CAMKMT: variants seen among roughly 807,000 people sequenced by gnomAD.
CAMKMT encodes the protein calmodulin-lysine N-methyltransferase.
In CAMKMT, 53 loss-of-function variants were observed where a neutral mutation model predicts 48.0. That is an observed-to-expected ratio of 1.10 (90% CI 0.89 to 1.39). The LOEUF is 1.39. Ranked by LOEUF, CAMKMT falls within the 40% of genes most tolerant of loss-of-function variation. The pLI is 0.00. For synonymous variants in CAMKMT, 165 were observed against 152.3 expected, an observed-to-expected ratio of 1.08 and a Z score of -0.61; for missense variants, 428 against 402.7, an observed-to-expected ratio of 1.06 and a Z score of -0.54.
intron 3 of CAMKMT, among the ~76,000 whole-genome samples, chr2:44,565,202 ACC>A (rs1668547002): frequency 6.6e-6 from 1 of 152,200 alleles, no homozygotes; most frequent in Non-Finnish European, 1.5e-5. Context: ...TGATGGCAAC[ACC>A]TTCAAACATT....
At chr2:44,763,973 C>T (rs933613193) in intron 9 of CAMKMT, among the ~76,000 whole-genome samples, 5 of 151,880 alleles carry the variant, frequency 3.3e-5, no homozygotes, top group Non-Finnish European at 5.9e-5. Flanking sequence ...ATTCAAAAAT[C>T]CAGAATGGCA....
chr2:44,398,435 G>A (rs181272429), intron 3 of CAMKMT, among the ~76,000 whole-genome samples: 32 of 152,280 alleles, frequency 2.1e-4, no homozygotes. Flanking sequence ...TTTCTGCAAG[G>A]TAGTTGACAA....
chr2:44,440,218 T>G (rs1016560946), intron 3 of CAMKMT, among the ~76,000 whole-genome samples: 2 of 152,256 alleles, frequency 1.3e-5, no homozygotes, highest in Admixed American at 1.3e-4. Flanking sequence ...GTGCAGCCCA[T>G]GATTTCCTTG....
At chr2:44,462,126 A>G (rs1035688620) in intron 3 of CAMKMT, among the ~76,000 whole-genome samples, 1 of 152,214 alleles carries the variant, frequency 6.6e-6, no homozygotes, top group Admixed American at 6.5e-5. Flanking sequence ...TTTCTCCTGT[A>G]CATGGTTTGT....
chr2:44,673,281 G>C (rs1235497405), intron 3 of CAMKMT, among the ~76,000 whole-genome samples: 2 of 151,902 alleles, frequency 1.3e-5, no homozygotes, highest in Non-Finnish European at 2.9e-5. Flanking sequence ...CAAAAAGTCA[G>C]CAGGGTATGG....
intron 3 of CAMKMT, among the ~76,000 whole-genome samples, chr2:44,464,263 C>T (rs1667997912): frequency 6.6e-6 from 1 of 152,132 alleles, no homozygotes; most frequent in Non-Finnish European, 1.5e-5. Context: ...AACTCAAAGA[C>T]AAGTCATTTG....
intron 3 of CAMKMT, among the ~76,000 whole-genome samples, chr2:44,439,089 A>C (rs188457147): frequency 6.6e-6 from 1 of 152,222 alleles, no homozygotes; most frequent in Non-Finnish European, 1.5e-5. Flanking sequence ...AGCTATAGTG[A>C]AAAGTAACCA....
intron 3 of CAMKMT, among the ~76,000 whole-genome samples, chr2:44,473,878 C>A (rs1668547782): frequency 6.6e-6 from 1 of 152,130 alleles, no homozygotes; most frequent in Non-Finnish European, 1.5e-5. Context: ...TTTATCTCTG[C>A]CCTTCTTTTA....
At chr2:44,502,715 G>A (rs916350223) in intron 3 of CAMKMT, among the ~76,000 whole-genome samples, 2 of 152,094 alleles carry the variant, frequency 1.3e-5, no homozygotes, top group African/African-American at 4.8e-5. Flanking sequence ...AGCCCAGCAT[G>A]CATATCCACC....
At chr2:44,717,100 C>T (rs1439797166) in intron 7 of CAMKMT, among the ~76,000 whole-genome samples, 1 of 151,982 alleles carries the variant, frequency 6.6e-6, no homozygotes, top group East Asian at 1.9e-4. Flanking sequence ...AGGACATATA[C>T]CAAATGCTTA....
chr2:44,412,076 G>A (rs1683242866), intron 3 of CAMKMT, among the ~76,000 whole-genome samples: 1 of 138,928 alleles, frequency 7.2e-6, no homozygotes, highest in African/African-American at 2.7e-5. Context: ...CTAGGATAAA[G>A]ACATTATCAG....
At chr2:44,740,349 C>T (rs693168) in intron 7 of CAMKMT, among the ~76,000 whole-genome samples, 2 of 151,742 alleles carry the variant, frequency 1.3e-5, no homozygotes, top group Non-Finnish European at 2.9e-5. Context: ...AGGCTAGTCT[C>T]GAGCTCCTAG....
At chr2:44,625,847 C>T (rs1048504169) in intron 3 of CAMKMT, among the ~76,000 whole-genome samples, 6 of 152,058 alleles carry the variant, frequency 3.9e-5, no homozygotes, top group Non-Finnish European at 8.8e-5. Context: ...ACTGGACTGT[C>T]TTTTCTATTC....
Position 44,539,096 on chromosome 2 carries a change from G to A in CAMKMT, c.376+148791G>A, listed in dbSNP as rs556217571. 1.5e-4 allele frequency among the ~76,000 whole-genome samples: 23 copies of A among 151,648 alleles called. No homozygotes were observed. The South Asian group carries it at 4.4e-3, about 29-fold the overall frequency. On this transcript the variant is annotated intron_variant, in intron 3 of 10. Coordinates refer to ENST00000378494, the MANE Select transcript of CAMKMT (RefSeq NM_024766.5). Reference sequence around the variant, plus strand: ...AGGTGGGTGGATTGCCTGAGCTCAGGAGTTCGAAACCAGCCTGGGCAACAT... The same window carrying A: ...AGGTGGGTGGATTGCCTGAGCTCAGAAGTTCGAAACCAGCCTGGGCAACAT...
At chr2:44,485,454 A>C (rs999156825) in intron 3 of CAMKMT, among the ~76,000 whole-genome samples, 10 of 152,238 alleles carry the variant, frequency 6.6e-5, no homozygotes, top group African/African-American at 2.4e-4. Flanking sequence ...AAAATAATAC[A>C]TACAGTCATG....
At chr2:44,455,942 C>T (rs1342114565) in intron 3 of CAMKMT, among the ~76,000 whole-genome samples, 1 of 151,982 alleles carries the variant, frequency 6.6e-6, no homozygotes, top group Non-Finnish European at 1.5e-5. Flanking sequence ...AATTCAATTC[C>T]ATTTGGTTAA....
At chr2:44,369,472 G>A (rs1039901081) in intron 1 of CAMKMT, among the ~76,000 whole-genome samples, 1 of 152,148 alleles carries the variant, frequency 6.6e-6, no homozygotes, top group South Asian at 2.1e-4. Flanking sequence ...AATGGGTTTA[G>A]CATAGTGAAT....
intron 3 of CAMKMT, among the ~76,000 whole-genome samples, chr2:44,685,234 TTA>T (rs1676273171): frequency 6.6e-6 from 1 of 152,188 alleles, no homozygotes; most frequent in Non-Finnish European, 1.5e-5. Context: ...AGGTTTGCTC[TTA>T]TGTTATGAAT....
chr2:44,432,261 A>C (rs924694647), intron 3 of CAMKMT, among the ~76,000 whole-genome samples: 2 of 152,182 alleles, frequency 1.3e-5, no homozygotes, highest in Non-Finnish European at 2.9e-5. Flanking sequence ...GTACTTGAGT[A>C]ATTTTCCTCC....
Sources: gnomAD v4.1 joint callset for allele counts (sites outside exome capture counted in the v4.1 genomes callset) on GRCh38, gnomAD v4.1.1 for gene constraint, MANE v1.5 for transcripts, NCBI Gene and HGNC (gene_info 2026-07-23, HGNC 2026-07-21) for gene names.